EYS: variants seen among roughly 807,000 people sequenced by gnomAD.
The protein encoded by EYS is protein eyes shut homolog.
In EYS, 250 loss-of-function variants were observed where a neutral mutation model predicts 282.1. The ratio of observed to expected loss-of-function variants is 0.89; its 90% CI spans 0.80 to 0.98. The LOEUF (loss-of-function observed/expected upper bound fraction) is 0.98, where lower values mean the gene tolerates loss of function less well. Ranked by LOEUF, EYS falls within the 50% of genes least tolerant of loss-of-function variation. EYS has a pLI of 0.00. For synonymous variants in EYS, 1,355 were observed against 1,282.9 expected, an observed-to-expected ratio of 1.06 and a Z score of -1.20; for missense variants, 4,016 against 3,709.0, an observed-to-expected ratio of 1.08 and a Z score of -2.15.
At chr6:63,914,991 T>C (rs934005119) in intron 35 of EYS, among the ~76,000 whole-genome samples, 9 of 152,204 alleles carry the variant, frequency 5.9e-5, no homozygotes, top group African/African-American at 2.2e-4. Context: ...TAGTAGAAGC[T>C]ACAGCATGTT....
chr6:64,835,011 GA>G (rs1467672157), intron 19 of EYS, among the ~76,000 whole-genome samples: 1 of 151,640 alleles, frequency 6.6e-6, no homozygotes, highest in Non-Finnish European at 1.5e-5. Context: ...GTGTTATGCA[GA>G]AATAAAAGGA....
At chr6:65,692,304 A>AAGTAC (rs1171853166) in intron 1 of EYS, among the ~76,000 whole-genome samples, 1 of 150,142 alleles carries the variant, frequency 6.7e-6, no homozygotes, top group Non-Finnish European at 1.5e-5. Flanking sequence ...AACGGGTACA[A>AAGTAC]AGTACAGTAT....
intron 6 of EYS, 27 bp from the exon 7 acceptor site, chr6:65,402,632 A>G: frequency 6.8e-7 from 1 of 1,472,328 alleles, no homozygotes; most frequent in Non-Finnish European, 9.5e-7. Context: ...AAATATTTTT[A>G]CAAAGTATTA....
chr6:64,365,286 G>T (rs1411346451), intron 29 of EYS, among the ~76,000 whole-genome samples: 1 of 152,022 alleles, frequency 6.6e-6, no homozygotes, highest in African/African-American at 2.4e-5. Context: ...ATATAGAGCA[G>T]AAATAATCAG....
At chr6:64,871,538 A>G (rs768033861) in intron 19 of EYS, among the ~76,000 whole-genome samples, 3 of 151,958 alleles carry the variant, frequency 2.0e-5, no homozygotes, top group Non-Finnish European at 2.9e-5. Flanking sequence ...GATAAAAATA[A>G]AAGTCATCTC....
At chr6:65,651,960 G>T (rs1767663196) in intron 1 of EYS, among the ~76,000 whole-genome samples, 1 of 151,898 alleles carries the variant, frequency 6.6e-6, no homozygotes, top group African/African-American at 2.4e-5. Context: ...ACATATAAAA[G>T]ATTCTTTTTT....
intron 14 of EYS, among the ~76,000 whole-genome samples, chr6:64,996,798 AT>A (rs1771279423): frequency 6.6e-6 from 1 of 152,200 alleles, no homozygotes; most frequent in African/African-American, 2.4e-5. Flanking sequence ...CTGAAACCAT[AT>A]TTTGGCTTTT....
intron 14 of EYS, among the ~76,000 whole-genome samples, chr6:64,990,334 G>A (rs1771022283): frequency 6.6e-6 from 1 of 151,388 alleles, no homozygotes; most frequent in African/African-American, 2.4e-5. Flanking sequence ...CATATAAAAT[G>A]TTTTCTAGGA....
At chr6:65,014,867 A>G (rs1304057645) in intron 13 of EYS, among the ~76,000 whole-genome samples, 1 of 152,048 alleles carries the variant, frequency 6.6e-6, no homozygotes, top group African/African-American at 2.4e-5. Flanking sequence ...TAAGTTGAGG[A>G]TTTTGTTGTG....
At chr6:64,045,872 CCATA>C (rs1024725079) in intron 33 of EYS, among the ~76,000 whole-genome samples, 4 of 135,194 alleles carry the variant, frequency 3.0e-5, no homozygotes, top group African/African-American at 1.0e-4. Flanking sequence ...CACATATGTA[CCATA>C]CATTTTATAT....
At chr6:64,471,410 C>T (rs1776117754) in intron 26 of EYS, among the ~76,000 whole-genome samples, 1 of 151,972 alleles carries the variant, frequency 6.6e-6, no homozygotes, top group Non-Finnish European at 1.5e-5. Context: ...GACACAAAAT[C>T]AATATACAAA....
intron 35 of EYS, among the ~76,000 whole-genome samples, chr6:63,914,153 C>T (rs2149739630): frequency 6.6e-6 from 1 of 152,138 alleles, no homozygotes; most frequent in South Asian, 2.1e-4. Context: ...CTCCCTATAC[C>T]CCAAGACACA....
chr6:64,169,364 T>C (rs1285229653), intron 31 of EYS, among the ~76,000 whole-genome samples: 6 of 150,758 alleles, frequency 4.0e-5, no homozygotes, highest in Non-Finnish European at 5.9e-5. Context: ...AAGGCTGAGA[T>C]TGAGAGGGGC....
intron 12 of EYS, among the ~76,000 whole-genome samples, chr6:65,202,309 T>C (rs2150246610): frequency 6.6e-6 from 1 of 152,276 alleles, no homozygotes; most frequent in Non-Finnish European, 1.5e-5. Context: ...ATGGCTGATA[T>C]TTAATAATAG....
intron 2 of EYS, among the ~76,000 whole-genome samples, chr6:65,605,009 A>ATT (rs10626958): frequency 0.24 from 32,669 of 136,440 alleles, 4,978 homozygotes; most frequent in African/African-American, 0.4. Context: ...ATGCCCAGCT[A>ATT]TTTTTTTTTT....
chr6:64,413,183 T>C (rs1282075291), intron 28 of EYS, among the ~76,000 whole-genome samples: 6 of 152,130 alleles, frequency 3.9e-5, no homozygotes, highest in Non-Finnish European at 8.8e-5. Context: ...CCCTCTACTC[T>C]GCCATAGTTT....
chr6:65,495,327 C>T lies in EYS; in HGVS notation c.84G>A (p.Leu28=), dbSNP rs775756913. 1 of 1,613,932 alleles carries T rather than the reference C, an allele frequency of 6.2e-7. No individual in the cohort carries two copies. Residue 28 remains leucine (L), a synonymous_variant, in exon 4 of 43, where the codon TTG becomes TTA. Coordinates refer to ENST00000503581, the MANE Select transcript of EYS (RefSeq NM_001142800.2). ...AGGGTTGTGGATGCCATTCTTCCAC[C>T]AATTGCCGTCTACATGTTTTTCCAT... is the stretch of plus-strand genomic sequence containing the variant. ...FINGKTCRRQ[L]VEEWHPQPSS...
At chr6:65,030,466 T>C (rs1054762242) in intron 13 of EYS, among the ~76,000 whole-genome samples, 1 of 152,144 alleles carries the variant, frequency 6.6e-6, no homozygotes, top group Non-Finnish European at 1.5e-5. Context: ...ACTGATTTGC[T>C]GGCACCTGTG....
At chr6:64,016,051 C>T (rs866817499) in intron 33 of EYS, among the ~76,000 whole-genome samples, 24 of 152,304 alleles carry the variant, frequency 1.6e-4, no homozygotes, top group South Asian at 2.1e-4. Context: ...TTTTCTTTAG[C>T]AAATTCCATT....
Sources: allele counts gnomAD v4.1 joint callset (sites outside exome capture counted in the v4.1 genomes callset), GRCh38; gene constraint gnomAD v4.1.1; transcripts MANE v1.5; gene names NCBI Gene and HGNC (gene_info 2026-07-23, HGNC 2026-07-21).